FRY: variants seen among roughly 807,000 people sequenced by gnomAD.
FRY encodes the protein FRY microtubule binding protein.
FRY carries 128 observed loss-of-function variants against 348.4 expected under a neutral mutation model. The ratio of observed to expected loss-of-function variants is 0.37; its 90% CI spans 0.32 to 0.43. The LOEUF is 0.43. Ranked by LOEUF, FRY falls within the 20% of genes least tolerant of loss-of-function variation. The pLI is 1.00. For synonymous variants in FRY, 1,370 were observed against 1,374.7 expected, an observed-to-expected ratio of 1.00 and a Z score of 0.08; for missense variants, 2,736 against 3,695.2, an observed-to-expected ratio of 0.74 and a Z score of 6.73.
intron 3 of FRY, among the ~76,000 whole-genome samples, chr13:32,102,376 C>T (rs1877223960): frequency 6.6e-6 from 1 of 152,198 alleles, no homozygotes; most frequent in African/African-American, 2.4e-5. Flanking sequence ...ATGTGATGAT[C>T]AGATCTCTGC....
At chr13:32,195,065 C>G (rs1883592960) in intron 29 of FRY, among the ~76,000 whole-genome samples, 1 of 152,088 alleles carries the variant, frequency 6.6e-6, no homozygotes. Flanking sequence ...TTTTAAATTC[C>G]AATCTCTTAG....
At chr13:32,172,516 G>A (rs968640488) in intron 18 of FRY, among the ~76,000 whole-genome samples, 2 of 152,184 alleles carry the variant, frequency 1.3e-5, no homozygotes, top group Non-Finnish European at 2.9e-5. Context: ...AAATGGTTAA[G>A]GTAGTGATAA....
chr13:32,100,045 A>G (rs569461134), intron 2 of FRY, among the ~76,000 whole-genome samples: 1 of 152,026 alleles, frequency 6.6e-6, no homozygotes, highest in South Asian at 2.1e-4. Context: ...AATAAACCTT[A>G]CTTTGCTTCT....
chr13:32,185,934 A>G (rs563667846), intron 26 of FRY, among the ~76,000 whole-genome samples: 1 of 152,336 alleles, frequency 6.6e-6, no homozygotes, highest in South Asian at 2.1e-4. Context: ...CAGCAGTCAA[A>G]AAACATTTAA....
Position 32,237,383 on chromosome 13 carries a change from T to C in FRY, c.5815T>C (p.Ser1939Pro). Residue 1939 changes from serine to proline, a missense_variant, in exon 44 of 61, where the codon TCC (serine) becomes CCC (proline). Transcript: ENST00000542859. The surrounding 1 kb of genome is among the most constrained non-coding windows in gnomAD (Gnocchi z 6.3). The stretch of plus-strand genomic sequence containing the variant: ...CTTATTTATTTTTATACCCAGCTCT[T>C]CCTCACCAGATTTAAGCTCCAGCAG... ...SDLLTVLSRS[S>P]SPDLSSSSKL... The C allele has an allele frequency of 6.2e-7, 1 of 1,613,928 alleles. No individual in the cohort carries two copies. Among genetic ancestry groups the C allele is most frequent in the Non-Finnish European group, 8.5e-7 (1 of 1,179,998 alleles).
Position 32,254,332 on chromosome 13 carries a change from G to A in FRY, c.7354G>A (p.Glu2452Lys), listed in dbSNP as rs1355811665. Reference sequence around the variant, plus strand: ...GGAGAACATGGATGACACAAACAGCGAGCAGCAGTTTAGAGTCTTCAGAGA... The same window carrying A: ...GGAGAACATGGATGACACAAACAGCAAGCAGCAGTTTAGAGTCTTCAGAGA... ...EQENMDDTNS[E>K]QQFRVFRDFD... The change falls in exon 51 of 61, where the codon GAG (glutamate) becomes AAG (lysine). Residue 2452 changes from glutamate (E) to lysine (K), a missense_variant. Around this residue, in one of 9 missense-constraint regions of FRY, gnomAD observed 789 missense variants for 996.2 expected, o/e 0.79. Transcript: ENST00000542859. 1.2e-6 allele frequency: 2 copies of A among 1,613,972 alleles called. No homozygotes were observed. The highest frequency in any genetic ancestry group is 1.1e-5 in the South Asian group (1 of 91,082).
chr13:32,205,618 TG>T (rs1469828620), intron 31 of FRY, among the ~76,000 whole-genome samples: 50 of 152,268 alleles, frequency 3.3e-4, no homozygotes, highest in African/African-American at 1.2e-3. Flanking sequence ...CTACAAGGTT[TG>T]TAGGCCAGCA....
chr13:32,131,861 G>A, intron 8 of FRY, 21 bp downstream of exon 8: 4 of 1,598,162 alleles, frequency 2.5e-6, no homozygotes, highest in Non-Finnish European at 3.4e-6. Flanking sequence ...AGGCAGGAGA[G>A]CTAAGGTGCT....
At chr13:32,220,269 C>T (rs566062204) in intron 36 of FRY, among the ~76,000 whole-genome samples, 1 of 152,154 alleles carries the variant, frequency 6.6e-6, no homozygotes, top group Non-Finnish European at 1.5e-5. Flanking sequence ...TTTCAGCTAC[C>T]CTTGTTCTAC....
chr13:32,089,531 G>C (rs1258100627), intron 2 of FRY, among the ~76,000 whole-genome samples: 1 of 152,102 alleles, frequency 6.6e-6, no homozygotes, highest in Non-Finnish European at 1.5e-5. Flanking sequence ...GGGAGGCTGA[G>C]GTGGGAAAAT....
intron 2 of FRY, among the ~76,000 whole-genome samples, chr13:32,085,684 T>C (rs982092453): frequency 6.6e-6 from 1 of 152,172 alleles, no homozygotes; most frequent in Non-Finnish European, 1.5e-5. Flanking sequence ...ATTATCCTCA[T>C]TGGAGGGCTG....
intron 4 of FRY, among the ~76,000 whole-genome samples, chr13:32,121,492 T>G (rs1309672089): frequency 6.6e-6 from 1 of 152,186 alleles, no homozygotes; most frequent in Non-Finnish European, 1.5e-5. Flanking sequence ...AGTAAGTTGG[T>G]ATCACATGTG....
intron 39 of FRY, 81 bp from the exon 40 acceptor site, chr13:32,228,375 G>A (rs1192743657): frequency 9.9e-7 from 1 of 1,011,352 alleles, no homozygotes; most frequent in African/African-American, 1.6e-5. Flanking sequence ...ACACTTCCCT[G>A]CCCTCCTCTG....
chr13:32,031,994 CTTTTCTCTT>C lies in FRY; in HGVS notation c.70+131_70+139del, dbSNP rs767012755. 202 of 631,330 alleles carry C rather than the reference CTTTTCTCTT, an allele frequency of 3.2e-4. 1 individual carries two copies. Among genetic ancestry groups the C allele is most frequent in the Non-Finnish European group, 5.3e-4 (190 of 358,268 alleles). 39.1% of individuals were successfully genotyped at this position (631,330 alleles called of 1,614,324 possible). Reference sequence around the variant, plus strand: ...AGTTTTTCTTTTTTTCTTTTCTTTTCTTTTCTCTTTCTTTCTTTCTTTCTTTCTTTTTCT... The same window carrying C: ...AGTTTTTCTTTTTTTCTTTTCTTTTCTCTTTCTTTCTTTCTTTCTTTTTCT... On this transcript the variant is annotated intron_variant, in intron 1 of 60. Transcript: ENST00000542859.
intron 3 of FRY, among the ~76,000 whole-genome samples, chr13:32,110,295 C>A (rs1456990972): frequency 6.6e-6 from 1 of 152,132 alleles, no homozygotes; most frequent in Non-Finnish European, 1.5e-5. Context: ...GAATGAAAGG[C>A]ATGTGAGCTC....
chr13:32,251,012 A>G (rs1277772460), intron 49 of FRY, among the ~76,000 whole-genome samples: 11 of 152,172 alleles, frequency 7.2e-5, no homozygotes, highest in Admixed American at 4.6e-4. Context: ...TGTCCCCTCT[A>G]TAATTTGGAA....
intron 55 of FRY, among the ~76,000 whole-genome samples, chr13:32,272,216 T>C (rs928477883): frequency 2.6e-5 from 4 of 152,234 alleles, no homozygotes; most frequent in African/African-American, 9.6e-5. Flanking sequence ...TCACAATGTG[T>C]GTTTACTGTT....
chr13:32,146,039 A>G (rs1880422804), intron 11 of FRY, among the ~76,000 whole-genome samples: 1 of 151,908 alleles, frequency 6.6e-6, no homozygotes, highest in African/African-American at 2.4e-5. Flanking sequence ...CTCACCACCT[A>G]CTGCTCCTTC....
At chr13:32,119,788 T>C (rs1280285846) in intron 4 of FRY, among the ~76,000 whole-genome samples, 1 of 152,182 alleles carries the variant, frequency 6.6e-6, no homozygotes, top group Non-Finnish European at 1.5e-5. Flanking sequence ...TGAAGGACTT[T>C]AGATAGATGG....
Sources: allele counts gnomAD v4.1 joint callset (sites outside exome capture counted in the v4.1 genomes callset), GRCh38; gene constraint gnomAD v4.1.1; regional missense constraint gnomAD v4.1.1; non-coding constraint Gnocchi (gnomAD v3.1); transcripts MANE v1.5; gene names NCBI Gene and HGNC (gene_info 2026-07-23, HGNC 2026-07-21).